Variants in MLLT3 observed in about 807,000 individuals in gnomAD.
MLLT3 encodes MLLT3 super elongation complex subunit.
In MLLT3, 4 loss-of-function variants were observed where a neutral mutation model predicts 53.2. The ratio of observed to expected loss-of-function variants is 0.08; its 90% CI spans 0.04 to 0.17. MLLT3 has a LOEUF of 0.17. MLLT3 is among the 10% of genes least tolerant of loss of function. MLLT3 has a pLI of 1.00. For missense variants in MLLT3, 569 were observed against 684.0 expected, an observed-to-expected ratio of 0.83 and a Z score of 1.87; for synonymous variants, 283 against 230.6, an observed-to-expected ratio of 1.23 and a Z score of -2.06.
At chr9:20,491,722 T>G (rs988594834) in intron 2 of MLLT3, among the ~76,000 whole-genome samples, 9 of 152,218 alleles carry the variant, frequency 5.9e-5, no homozygotes, top group African/African-American at 2.2e-4. Context: ...GAAATAATAT[T>G]TGGGGAGATG....
chr9:20,390,264 T>A (rs1206863184), intron 5 of MLLT3, among the ~76,000 whole-genome samples: 1 of 152,140 alleles, frequency 6.6e-6, no homozygotes, highest in African/African-American at 2.4e-5. Flanking sequence ...GGATACTAAT[T>A]TTCCCCGAGA....
At chr9:20,616,210 GAA>G (rs919423735) in intron 2 of MLLT3, among the ~76,000 whole-genome samples, 8 of 152,038 alleles carry the variant, frequency 5.3e-5, no homozygotes, top group Non-Finnish European at 1.0e-4. Flanking sequence ...ATGCAAATGA[GAA>G]AAGAGACACA....
At chr9:20,535,954 CA>C (rs1186580146) in intron 2 of MLLT3, among the ~76,000 whole-genome samples, 3 of 151,986 alleles carry the variant, frequency 2.0e-5, no homozygotes, top group African/African-American at 7.2e-5. Flanking sequence ...TATTACTAAA[CA>C]AAACTTGTAA....
At chr9:20,365,552 G>A (rs1821428869) in intron 6 of MLLT3, 117 bp downstream of exon 6, 4 of 1,171,644 alleles carry the variant, frequency 3.4e-6, no homozygotes, top group Admixed American at 2.0e-5. Flanking sequence ...GTTTCACCGT[G>A]TTAGCTAGGA....
At chr9:20,475,345 T>C (rs1824493930) in intron 2 of MLLT3, among the ~76,000 whole-genome samples, 1 of 152,080 alleles carries the variant, frequency 6.6e-6, no homozygotes, top group South Asian at 2.1e-4. Flanking sequence ...CCCCTAACTC[T>C]TAACAACTTT....
At chr9:20,409,559 A>T (rs1822671131) in intron 5 of MLLT3, among the ~76,000 whole-genome samples, 1 of 152,208 alleles carries the variant, frequency 6.6e-6, no homozygotes, top group Admixed American at 6.5e-5. Flanking sequence ...GTGGAATATC[A>T]TGTACCCCAA....
intron 10 of MLLT3, among the ~76,000 whole-genome samples, chr9:20,350,939 C>T (rs1821011489): frequency 6.6e-6 from 1 of 152,136 alleles, no homozygotes; most frequent in Admixed American, 6.5e-5. Flanking sequence ...AATGAACAGG[C>T]CTTACTTTAA....
In MLLT3 at chr9:20,620,760, G is replaced by C. The variant is rs1290412453; in HGVS notation, c.87C>G (p.Thr29=). 2 of 1,614,154 alleles carry C rather than the reference G, an allele frequency of 1.2e-6. No homozygotes were observed. Among genetic ancestry groups the C allele is most frequent in the East Asian group, 2.2e-5 (1 of 44,866 alleles). Residue 29 remains threonine (T), a synonymous_variant, in exon 2 of 11, where the codon ACC becomes ACG. Transcript: ENST00000380338. The surrounding 1 kb of genome is among the most constrained non-coding windows in gnomAD (Gnocchi z 6.1). ...VRKKPTVEGF[T]HDWMVFVRGP... is the part of the protein sequence containing the mutation. ...CGCGTACGAACACCATCCAGTCGTG[G>C]GTGAAGCCCTCCACGGTGGGTTTTT...
chr9:20,587,079 C>T (rs1819988481), intron 2 of MLLT3, among the ~76,000 whole-genome samples: 1 of 151,318 alleles, frequency 6.6e-6, no homozygotes, highest in Admixed American at 6.6e-5. Context: ...AGACTTGATT[C>T]TGCAGCTTAA....
chr9:20,521,536 A>G (rs1818058065), intron 2 of MLLT3, among the ~76,000 whole-genome samples: 1 of 151,700 alleles, frequency 6.6e-6, no homozygotes, highest in Admixed American at 6.6e-5. Flanking sequence ...AAGAAAACAG[A>G]AGAAGAAATC....
At chr9:20,444,456 T>C (rs1288952088) in intron 4 of MLLT3, among the ~76,000 whole-genome samples, 1 of 152,100 alleles carries the variant, frequency 6.6e-6, no homozygotes, top group Admixed American at 6.5e-5. Flanking sequence ...TCAAAGGAAA[T>C]ATCCTCCCTT....
At chr9:20,606,390 C>G (rs1011193762) in intron 2 of MLLT3, among the ~76,000 whole-genome samples, 1 of 151,992 alleles carries the variant, frequency 6.6e-6, no homozygotes, top group African/African-American at 2.4e-5. Flanking sequence ...ACAGTAATTT[C>G]TAAAGCAGAG....
intron 2 of MLLT3, among the ~76,000 whole-genome samples, chr9:20,464,629 A>G (rs369552941): frequency 6.6e-6 from 1 of 151,922 alleles, no homozygotes; most frequent in East Asian, 1.9e-4. Context: ...TCTTTAAGGA[A>G]GTGGCATTTA....
chr9:20,567,092 G>A (rs986099974), intron 2 of MLLT3, among the ~76,000 whole-genome samples: 1 of 147,432 alleles, frequency 6.8e-6, no homozygotes, highest in Admixed American at 6.9e-5. Context: ...TCTGAATTGT[G>A]TTTGAATATT....
intron 2 of MLLT3, chr9:20,533,149 T>C: frequency 3.6e-6 from 1 of 277,202 alleles, no homozygotes; most frequent in Non-Finnish European, 7.2e-6. Context: ...CAGGAAGACC[T>C]GCACCACCGT....
At chr9:20,526,118 G>GT (rs1563801478) in intron 2 of MLLT3, among the ~76,000 whole-genome samples, 1 of 152,182 alleles carries the variant, frequency 6.6e-6, no homozygotes, top group African/African-American at 2.4e-5. Context: ...ACCAAAAGAT[G>GT]TGTTCATTAG....
chr9:20,405,876 C>A (rs1822564794), intron 5 of MLLT3, among the ~76,000 whole-genome samples: 1 of 152,068 alleles, frequency 6.6e-6, no homozygotes, highest in African/African-American at 2.4e-5. Context: ...CGTTGGGAGG[C>A]CAAGGAGGGT....
intron 5 of MLLT3, among the ~76,000 whole-genome samples, chr9:20,401,348 G>C (rs952969197): frequency 6.6e-6 from 1 of 152,174 alleles, no homozygotes; most frequent in African/African-American, 2.4e-5. Flanking sequence ...TACCTAATTA[G>C]AAAACACAGG....
At chr9:20,560,653 C>T (rs1819179842) in intron 2 of MLLT3, among the ~76,000 whole-genome samples, 1 of 152,186 alleles carries the variant, frequency 6.6e-6, no homozygotes, top group African/African-American at 2.4e-5. Flanking sequence ...CAGGGAATAA[C>T]ATTTCATCTA....
Sources: gnomAD v4.1 joint callset for allele counts (sites outside exome capture counted in the v4.1 genomes callset) on GRCh38, gnomAD v4.1.1 for gene constraint, Gnocchi (gnomAD v3.1) non-coding constraint, MANE v1.5 for transcripts, NCBI Gene and HGNC (gene_info 2026-07-23, HGNC 2026-07-21) for gene names.